The following MRPL3 variants were observed in gnomAD, a reference collection of about 807,000 sequenced individuals.
MRPL3 encodes the protein mitochondrial ribosomal protein L3.
MRPL3 carries 43 observed loss-of-function variants against 44.3 expected under a neutral mutation model. The ratio of observed to expected loss-of-function variants is 0.97; its 90% CI spans 0.76 to 1.25. The LOEUF is 1.25. Among genes scored for constraint, MRPL3 ranks in the 50% most tolerant of loss-of-function variants. MRPL3 has a pLI of 0.00. For synonymous variants in MRPL3, 171 were observed against 152.3 expected (o/e 1.12, Z -0.91); for missense variants, 406 against 427.6 (o/e 0.95, Z 0.45).
chr3:131,470,698 A>C (rs1201672382), intron 7 of MRPL3, among the ~76,000 whole-genome samples: 2 of 152,006 alleles, frequency 1.3e-5, no homozygotes, highest in African/African-American at 4.8e-5. Context: ...CTCCCCCACC[A>C]AACAGTATAT....
chr3:131,477,525 C>T (rs1463975777), intron 6 of MRPL3, among the ~76,000 whole-genome samples: 6 of 152,174 alleles, frequency 3.9e-5, no homozygotes, highest in Non-Finnish European at 5.9e-5. Context: ...GGAAGTTTTA[C>T]GGAATATTCA....
At position 131,468,091 on chromosome 3, in the gene MRPL3, C is replaced by T; in HGVS notation, c.894G>A (p.Lys298=). 1 of 1,537,880 alleles carries T rather than the reference C, an allele frequency of 6.5e-7. No homozygotes were observed. Among genetic ancestry groups the T allele is most frequent in the Non-Finnish European group, 8.8e-7 (1 of 1,140,914 alleles). The part of the protein sequence containing the change: ...SVPGHKNCLV[K]VKDSKLPAYK... ...AAAAAAAGAAGACACTTATACTTACCTTTACTAAGCAATTTTTATGTCCAG... is the reference window on the plus strand; with the variant it reads ...AAAAAAAGAAGACACTTATACTTACTTTTACTAAGCAATTTTTATGTCCAG... The change falls in exon 9 of 10, where the codon AAG becomes AAA. Residue 298 remains lysine, a splice_region_variant and synonymous_variant. Coordinates refer to ENST00000264995, the MANE Select transcript of MRPL3 (RefSeq NM_007208.4).
intron 1 of MRPL3, 62 bp from the exon 2 acceptor site, chr3:131,501,777 A>C: frequency 6.3e-7 from 1 of 1,589,396 alleles, no homozygotes; most frequent in Non-Finnish European, 8.6e-7. Flanking sequence ...CACTTAATAT[A>C]GAAAAGGGAA....
Position 131,502,807 on chromosome 3 carries a change from C to T in MRPL3, c.15G>A (p.Arg5=). The T allele has an allele frequency of 6.2e-7, 1 of 1,612,246 alleles. No homozygotes were observed. The highest frequency in any genetic ancestry group is 8.5e-7 in the Non-Finnish European group (1 of 1,179,376). MPGW[R]LLTQVGAQVL... ...CCTGGGCGCCGACCTGCGTCAGCAG[C>T]CTCCAACCCGGCATGGATTAGCCCG... Residue 5 remains arginine (R), a synonymous_variant, in exon 1 of 10, where the codon AGG becomes AGA. Coordinates refer to ENST00000264995, the MANE Select transcript of MRPL3 (RefSeq NM_007208.4).
chr3:131,482,734 G>A (rs1934019343), intron 6 of MRPL3, among the ~76,000 whole-genome samples: 1 of 150,606 alleles, frequency 6.6e-6, no homozygotes, highest in Non-Finnish European at 1.5e-5. Flanking sequence ...AGTACCTGAA[G>A]TCTTCTGACT....
At chr3:131,487,785 C>T (rs766932782) in intron 5 of MRPL3, 45 bp from the exon 6 acceptor site, 5 of 1,489,806 alleles carry the variant, frequency 3.4e-6, no homozygotes, top group Non-Finnish European at 3.7e-6. Flanking sequence ...TTTGACAGCA[C>T]AGAAACAACT....
intron 5 of MRPL3, among the ~76,000 whole-genome samples, chr3:131,488,218 C>G (rs1221396507): frequency 6.6e-6 from 1 of 152,084 alleles, no homozygotes; most frequent in Non-Finnish European, 1.5e-5. Context: ...TATAAAGCCT[C>G]TACATATCAG....
At chr3:131,479,863 A>G (rs1197366126) in intron 6 of MRPL3, among the ~76,000 whole-genome samples, 1 of 152,248 alleles carries the variant, frequency 6.6e-6, no homozygotes, top group African/African-American at 2.4e-5. Context: ...GAATTAAGAT[A>G]AAATCTTTTA....
In MRPL3 at chr3:131,500,522, C is replaced by G; in HGVS notation, c.278-1G>C. 6.2e-7 allele frequency: 1 copy of G among 1,612,994 alleles called. No homozygotes were observed. The highest frequency in any genetic ancestry group is 8.5e-7 in the Non-Finnish European group (1 of 1,179,308). ...GCAATAAGACCAACTCTAAAGGAACCTGGCAATTAAAACCAAAGCAATGTG... is the reference window on the plus strand; with the variant it reads ...GCAATAAGACCAACTCTAAAGGAACGTGGCAATTAAAACCAAAGCAATGTG... On this transcript the variant is annotated splice_acceptor_variant, in intron 2 of 9. Coordinates refer to ENST00000264995, the MANE Select transcript of MRPL3 (RefSeq NM_007208.4). LOFTEE classifies it high-confidence loss of function.
At chr3:131,476,732 C>T (rs1242918353) in intron 6 of MRPL3, among the ~76,000 whole-genome samples, 11 of 152,100 alleles carry the variant, frequency 7.2e-5, no homozygotes, top group East Asian at 5.8e-4. Context: ...CATTATTGTC[C>T]TTGCTTCTCA....
At chr3:131,462,918 T>C (rs2110691895) in intron 9 of MRPL3, 43 bp from the exon 10 acceptor site, 2 of 1,545,030 alleles carry the variant, frequency 1.3e-6, no homozygotes, top group Non-Finnish European at 1.8e-6. Flanking sequence ...TTAAGTTCTT[T>C]AAAGGTAGAC....
chr3:131,464,265 T>C (rs1312289433), intron 9 of MRPL3, among the ~76,000 whole-genome samples: 1 of 152,204 alleles, frequency 6.6e-6, no homozygotes, highest in East Asian at 1.9e-4. Flanking sequence ...TAACTCTCAG[T>C]TGCTTTCACA....
In MRPL3 at chr3:131,476,200, CAT is replaced by C. The variant is rs2110699885; in HGVS notation, c.630-4923_630-4922del. On this transcript the variant is annotated intron_variant, in intron 6 of 9. Coordinates refer to ENST00000264995, the MANE Select transcript of MRPL3 (RefSeq NM_007208.4). ...TTTTCAATCTAGCTCTAGAATACAT[CAT>C]GTAGTTATACTCTGTACAATGAGAA... 2.0e-5 allele frequency among the ~76,000 whole-genome samples: 3 copies of C among 152,304 alleles called. No individual in the cohort carries two copies. In the South Asian group the frequency reaches 6.2e-4, roughly 32 times the overall value.
At chr3:131,482,547 A>G (rs1216461660) in intron 6 of MRPL3, among the ~76,000 whole-genome samples, 1 of 152,012 alleles carries the variant, frequency 6.6e-6, no homozygotes, top group East Asian at 1.9e-4. Context: ...TTACTAAGAT[A>G]ACATTGTCAA....
At chr3:131,483,924 T>C (rs2110705979) in intron 6 of MRPL3, among the ~76,000 whole-genome samples, 1 of 152,314 alleles carries the variant, frequency 6.6e-6, no homozygotes, top group African/African-American at 2.4e-5. Flanking sequence ...AGATTGATAA[T>C]TAAAATACAT....
chr3:131,501,084 AT>A (rs1297908388), intron 2 of MRPL3, among the ~76,000 whole-genome samples: 1 of 152,210 alleles, frequency 6.6e-6, no homozygotes, highest in African/African-American at 2.4e-5. Context: ...AAAAGGCCTT[AT>A]TCCTCTTGGT....
At chr3:131,499,981 C>T (rs1934457315) in intron 3 of MRPL3, among the ~76,000 whole-genome samples, 2 of 152,160 alleles carry the variant, frequency 1.3e-5, no homozygotes, top group Non-Finnish European at 2.9e-5. Context: ...GTATTCTGGT[C>T]TCAGGACACA....
At chr3:131,483,089 C>T in intron 6 of MRPL3, among the ~76,000 whole-genome samples, 1 of 151,398 alleles carries the variant, frequency 6.6e-6, no homozygotes, top group East Asian at 1.9e-4. Flanking sequence ...ACAGTCATAC[C>T]TCAGCTTACT....
At chr3:131,482,505 A>G (rs1285883216) in intron 6 of MRPL3, among the ~76,000 whole-genome samples, 1 of 149,514 alleles carries the variant, frequency 6.7e-6, no homozygotes, top group Non-Finnish European at 1.5e-5. Context: ...ACAGAGCAAG[A>G]CTCCGTCTCA....
Sources: gnomAD v4.1 joint callset for allele counts (sites outside exome capture counted in the v4.1 genomes callset) on GRCh38, gnomAD v4.1.1 for gene constraint, MANE v1.5 for transcripts, NCBI Gene and HGNC (gene_info 2026-07-23, HGNC 2026-07-21) for gene names.